The following RABEP1 variants were observed in gnomAD, a reference collection of about 807,000 sequenced individuals.
RABEP1 encodes the protein rabaptin, RAB GTPase binding effector protein 1.
In RABEP1, 51 loss-of-function variants were observed where a neutral mutation model predicts 123.4. The ratio of observed to expected loss-of-function variants is 0.41; its 90% confidence interval spans 0.33 to 0.52. The LOEUF is 0.52. Ranked by LOEUF, RABEP1 falls within the 20% of genes least tolerant of loss-of-function variation. The probability of loss-of-function intolerance (pLI) is 0.16; values close to 1 mark genes in which losing one functional copy is unlikely to be tolerated. For missense variants in RABEP1, 888 were observed against 996.3 expected, an observed-to-expected ratio of 0.89 and a Z score of 1.46; for synonymous variants, 347 against 355.2, an observed-to-expected ratio of 0.98 and a Z score of 0.26.
At chr17:5,381,703 G>C in intron 17 of RABEP1, 198 bp downstream of exon 17, 1 of 893,618 alleles carries the variant, frequency 1.1e-6, no homozygotes, top group South Asian at 2.9e-5. Context: ...TTCTTTTTCT[G>C]TATGCCTTGC....
intron 1 of RABEP1, among the ~76,000 whole-genome samples, chr17:5,293,156 G>A (rs903784850): frequency 3.9e-5 from 6 of 152,028 alleles, no homozygotes; most frequent in African/African-American, 1.2e-4. Flanking sequence ...GTGTGGTGGT[G>A]CGTGCCTGTA....
At chr17:5,363,783 G>A (rs1202607611) in intron 10 of RABEP1, among the ~76,000 whole-genome samples, 1 of 152,108 alleles carries the variant, frequency 6.6e-6, no homozygotes, top group Non-Finnish European at 1.5e-5. Flanking sequence ...TTGAATTAAG[G>A]TTAATAAGTT....
intron 2 of RABEP1, among the ~76,000 whole-genome samples, chr17:5,321,312 A>G (rs952827223): frequency 6.6e-6 from 1 of 152,226 alleles, no homozygotes; most frequent in Non-Finnish European, 1.5e-5. Flanking sequence ...ATGTGGTGGC[A>G]TGTGCCTGTA....
At position 5,302,478 on chromosome 17, in the gene RABEP1, C is replaced by T. The variant is rs556082938; in HGVS notation, c.35-6216C>T. On this transcript the variant is annotated intron_variant, in intron 1 of 17. Coordinates refer to ENST00000537505, the MANE Select transcript of RABEP1 (RefSeq NM_004703.6). ...CTGGTCTCGAACTCCTGACCTCAGG[C>T]GATCCATCCCCCTCGGCCTCCCAAG... 1.4e-4 allele frequency among the ~76,000 whole-genome samples: 21 copies of T among 151,888 alleles called. No homozygotes were observed. The South Asian group carries it at 1.5e-3, about 11-fold the overall frequency.
intron 2 of RABEP1, among the ~76,000 whole-genome samples, chr17:5,325,941 A>G (rs1048830352): frequency 2.6e-5 from 4 of 152,366 alleles, no homozygotes; most frequent in Non-Finnish European, 2.9e-5. Flanking sequence ...AAGTAAGTAT[A>G]TGAAAAGATT....
intron 7 of RABEP1, among the ~76,000 whole-genome samples, chr17:5,351,014 T>G (rs569067454): frequency 6.6e-6 from 1 of 152,154 alleles, no homozygotes; most frequent in Non-Finnish European, 1.5e-5. Flanking sequence ...CTTAAAACAT[T>G]ATGAGATTTT....
intron 15 of RABEP1, among the ~76,000 whole-genome samples, chr17:5,378,975 CCAA>C (rs1362480321): frequency 3.9e-5 from 6 of 152,302 alleles, no homozygotes; most frequent in African/African-American, 1.4e-4. Context: ...TGACCACTGC[CCAA>C]CCTTGGACTA....
chr17:5,337,674 CAG>C (rs1255040397), intron 4 of RABEP1, among the ~76,000 whole-genome samples: 1 of 151,860 alleles, frequency 6.6e-6, no homozygotes, highest in Non-Finnish European at 1.5e-5. Flanking sequence ...GCCTGGGTGA[CAG>C]AGCGAGACTC....
At chr17:5,359,717 T>G (rs1303215346) in intron 8 of RABEP1, among the ~76,000 whole-genome samples, 1 of 152,212 alleles carries the variant, frequency 6.6e-6, no homozygotes, top group Non-Finnish European at 1.5e-5. Context: ...AGCTTGCCAG[T>G]AACAACAACT....
At chr17:5,339,975 T>G (rs990698382) in intron 5 of RABEP1, among the ~76,000 whole-genome samples, 1 of 152,164 alleles carries the variant, frequency 6.6e-6, no homozygotes, top group African/African-American at 2.4e-5. Flanking sequence ...ATCAATAAGA[T>G]ATAATAGTCA....
At chr17:5,315,863 C>T (rs774039187) in intron 2 of RABEP1, among the ~76,000 whole-genome samples, 1 of 151,648 alleles carries the variant, frequency 6.6e-6, no homozygotes, top group Non-Finnish European at 1.5e-5. Context: ...AAAAACAAAA[C>T]AAAACAAAAA....
chr17:5,325,197 G>A (rs72836385), intron 2 of RABEP1, among the ~76,000 whole-genome samples: 8,022 of 152,038 alleles, frequency 0.053, 310 homozygotes, highest in East Asian at 0.17. Flanking sequence ...TTATCTAGGC[G>A]TAGTGGTGCC....
intron 1 of RABEP1, among the ~76,000 whole-genome samples, chr17:5,305,600 A>G (rs916757299): frequency 6.6e-6 from 1 of 152,130 alleles, no homozygotes; most frequent in Non-Finnish European, 1.5e-5. Context: ...CTTATTAGAG[A>G]AAAATAAGAA....
chr17:5,371,804 TGTAGA>T (rs1194890025), intron 12 of RABEP1, among the ~76,000 whole-genome samples: 2 of 152,220 alleles, frequency 1.3e-5, no homozygotes, highest in Non-Finnish European at 2.9e-5. Flanking sequence ...TTTATGGTAT[TGTAGA>T]GTAGTTTTTG....
intron 6 of RABEP1, among the ~76,000 whole-genome samples, chr17:5,349,821 G>T (rs964267577): frequency 1.3e-5 from 2 of 152,018 alleles, no homozygotes; most frequent in African/African-American, 4.8e-5. Context: ...AAGTCCTGCA[G>T]TAAAGAAATC....
chr17:5,367,311 G>A (rs866686050), intron 11 of RABEP1, among the ~76,000 whole-genome samples: 28 of 150,662 alleles, frequency 1.9e-4, no homozygotes, highest in Middle Eastern at 6.8e-3. Flanking sequence ...TCGCTGTGTC[G>A]CCCAGGCTAG....
intron 5 of RABEP1, 146 bp from the exon 6 acceptor site, chr17:5,346,644 A>G: frequency 2.5e-6 from 1 of 406,712 alleles, no homozygotes; most frequent in Non-Finnish European, 4.1e-6. Context: ...TACATATTTT[A>G]TAATTAAAAA....
At chr17:5,289,176 C>CTT (rs2075008247) in intron 1 of RABEP1, among the ~76,000 whole-genome samples, 3 of 20,246 alleles carry the variant, frequency 1.5e-4, no homozygotes, top group East Asian at 1.5e-3. Context: ...TCTTCTTCTT[C>CTT]CTCTTCCTTT....
At chr17:5,343,725 G>C (rs1907826582) in intron 5 of RABEP1, among the ~76,000 whole-genome samples, 1 of 137,466 alleles carries the variant, frequency 7.3e-6, no homozygotes. Context: ...GCCTAGGCTG[G>C]AGTGTAGTGG....
Sources: gnomAD v4.1 joint callset for allele counts (sites outside exome capture counted in the v4.1 genomes callset) on GRCh38, gnomAD v4.1.1 for gene constraint, MANE v1.5 for transcripts, NCBI Gene and HGNC (gene_info 2026-07-23, HGNC 2026-07-21) for gene names.